UBA5: variants seen among roughly 807,000 people sequenced by gnomAD.
The protein encoded by UBA5 is ubiquitin like modifier activating enzyme 5, also known as ubiquitin-like modifier-activating enzyme 5.
UBA5 carries 28 observed loss-of-function variants against 52.9 expected under a neutral mutation model. The observed-to-expected ratio is 0.53, with a 90% confidence interval of 0.39 to 0.73. UBA5 has a LOEUF of 0.73. Ranked by LOEUF, UBA5 falls within the 30% of genes least tolerant of loss-of-function variation. The pLI is 0.00. For missense variants in UBA5, 388 were observed against 492.7 expected, an observed-to-expected ratio of 0.79 and a Z score of 2.01; for synonymous variants, 135 against 162.1, an observed-to-expected ratio of 0.83 and a Z score of 1.27.
At position 132,676,406 on chromosome 3, in the gene UBA5, G is replaced by C. The variant is rs528420904; in HGVS notation, c.1132-37G>C. 1 of 1,519,948 alleles carries C rather than the reference G, an allele frequency of 6.6e-7. No individual in the cohort carries two copies. The highest frequency in any genetic ancestry group is 1.4e-5 in the African/African-American group (1 of 72,628). The allele number at this position is 1,519,948 out of a possible 1,614,324, so 94.2% of individuals were successfully genotyped here. A position where few individuals can be genotyped will look rare whatever the true frequency, so the allele number is the denominator to read the frequency against. ...TCCTAAGCATCAAGAATTCTATATG[G>C]TTCTTTTTTCACTGTATTTCCCTTA... is the stretch of plus-strand genomic sequence containing the variant. On this transcript the variant is annotated intron_variant, in intron 11 of 11. Coordinates refer to ENST00000356232, the MANE Select transcript of UBA5 (RefSeq NM_024818.6). This position sits in a 1 kb window ranked among gnomAD's most constrained non-coding sequence, Gnocchi z 4.1.
upstream of UBA5, chr3:132,659,675 T>A (rs745309589): frequency 2.5e-6 from 4 of 1,611,616 alleles, no homozygotes; most frequent in East Asian, 6.7e-5. Flanking sequence ...TAGGTAGGCC[T>A]CCAGGGACTT....
intron 3 of UBA5, chr3:132,668,514 T>G: frequency 1.1e-5 from 2 of 174,944 alleles, no homozygotes; most frequent in African/African-American, 2.4e-5. Context: ...CAGCACAGCA[T>G]TGTGGTTGAG....
At chr3:132,658,831 C>T (rs547776376), upstream of UBA5, among the ~76,000 whole-genome samples, 2 of 152,202 alleles carry the variant, frequency 1.3e-5, no homozygotes, top group African/African-American at 4.8e-5. Flanking sequence ...ACCTATATTA[C>T]GGTATTTCAT....
chr3:132,664,811 A>G (rs896093218), intron 1 of UBA5, among the ~76,000 whole-genome samples: 1 of 152,150 alleles, frequency 6.6e-6, no homozygotes, highest in Non-Finnish European at 1.5e-5. Flanking sequence ...TCTAGAGACA[A>G]TCATGTCAGA....
At position 132,667,253 on chromosome 3, in the gene UBA5, A is replaced by C. The variant is rs1559989887; in HGVS notation, c.297+1180A>C. On this transcript the variant is annotated intron_variant, in intron 3 of 11. Transcript: ENST00000356232. ...TTCATTTGCATATTAAAGTTGGAGA[A>C]GTGCTCTTGCATCTCTAACAAGCTT... 3 of 152,242 alleles carry C rather than the reference A, an allele frequency of 2.0e-5. No individual in the cohort carries two copies. The South Asian group carries it at 6.2e-4, about 31-fold the overall frequency. 9.4% of individuals were successfully genotyped at this position (152,242 alleles called of 1,614,324 possible).
chr3:132,673,489 G>A (rs745641724), intron 8 of UBA5, among the ~76,000 whole-genome samples: 5 of 151,482 alleles, frequency 3.3e-5, no homozygotes, highest in Admixed American at 1.3e-4. Flanking sequence ...TTGGAAGTAC[G>A]AGTGTATGCC....
rs780764978 is a variant in UBA5 at position 132,660,504 on chromosome 3, C to G, written c.-34C>G. ...TGGGGCGAAGGCGGCGGCGAAGGCC[C>G]GGGCTGGGAGCGTTGGCGGCCGGAG... On this transcript the variant is annotated 5_prime_UTR_variant, in exon 1 of 12. Coordinates refer to ENST00000356232, the MANE Select transcript of UBA5 (RefSeq NM_024818.6). The surrounding 1 kb of genome is among the most constrained non-coding windows in gnomAD (Gnocchi z 4.1). 7 of 1,545,036 alleles carry G rather than the reference C, an allele frequency of 4.5e-6. No homozygotes were observed. Among genetic ancestry groups the G allele is most frequent in the South Asian group, 3.6e-5 (3 of 83,898 alleles).
upstream of UBA5, chr3:132,660,038 G>A (rs1938056054): frequency 5.0e-6 from 2 of 398,296 alleles, no homozygotes; most frequent in South Asian, 5.4e-5. This position sits in a 1 kb window ranked among gnomAD's most constrained non-coding sequence, Gnocchi z 4.1. Context: ...CAAAGCCATG[G>A]TCATCGTTGC....
At position 132,672,323 on chromosome 3, in the gene UBA5, A is replaced by G. The variant is rs192068137; in HGVS notation, c.812+146A>G. 8.8e-4 allele frequency: 786 copies of G among 892,266 alleles called. 2 individuals are homozygous for G. The highest frequency in any genetic ancestry group is 9.2e-4 in the Non-Finnish European group (567 of 616,876). 55.3% of individuals were successfully genotyped at this position (892,266 alleles called of 1,614,324 possible). A position where few individuals can be genotyped will look rare whatever the true frequency, so the allele number is the denominator to read the frequency against. On this transcript the variant is annotated intron_variant, in intron 8 of 11. Coordinates refer to ENST00000356232, the MANE Select transcript of UBA5 (RefSeq NM_024818.6). ...TTAAATGTAGTTTTAAATGTTTTAT[A>G]TATGTATATGTGCAAATTCTATTTT...
chr3:132,665,630 G>T (rs1258029145), intron 1 of UBA5, 193 bp from the exon 2 acceptor site: 12 of 568,968 alleles, frequency 2.1e-5, no homozygotes, highest in Non-Finnish European at 9.3e-6. Flanking sequence ...GCTACACTTG[G>T]GAGAGTTTTT....
chr3:132,662,111 C>T (rs2107925761), intron 1 of UBA5, among the ~76,000 whole-genome samples: 1 of 152,148 alleles, frequency 6.6e-6, no homozygotes, highest in East Asian at 1.9e-4. Flanking sequence ...TGAGATGATC[C>T]CTTGACATTG....
chr3:132,659,757 C>T (rs752538357), upstream of UBA5: 2 of 1,583,904 alleles, frequency 1.3e-6, no homozygotes, highest in Non-Finnish European at 1.7e-6. Context: ...TTCATGATCA[C>T]CCCCGCAGGC....
At chr3:132,662,508 AT>A (rs1253557304) in intron 1 of UBA5, among the ~76,000 whole-genome samples, 13 of 152,224 alleles carry the variant, frequency 8.5e-5, no homozygotes, top group African/African-American at 3.1e-4. Flanking sequence ...GTACAGTGTT[AT>A]TATTGATAAA....
Position 132,660,746 on chromosome 3 carries a change from C to G in UBA5, c.161+48C>G. The G allele has an allele frequency of 2.0e-6, 3 of 1,487,994 alleles. No homozygotes were observed. The highest frequency in any genetic ancestry group is 2.7e-6 in the Non-Finnish European group (3 of 1,113,192). The allele number at this position is 1,487,994 out of a possible 1,614,324, so 92.2% of individuals were successfully genotyped here. ...GGCAGGCGCGGGGGACGAGGTCAGG[C>G]TCCGTGAGGTCAGAAGTGAGGCGCT... On this transcript the variant is annotated intron_variant, in intron 1 of 11. Transcript: ENST00000356232. This position sits in a 1 kb window ranked among gnomAD's most constrained non-coding sequence, Gnocchi z 4.1.
rs1364748514 is a variant in UBA5 at position 132,672,269 on chromosome 3, G to A, written c.812+92G>A. ...AGCATTTCAGAAACTGAAATTACAA[G>A]CTAAGTATATAATTTAGTTACTTTA... is the stretch of plus-strand genomic sequence containing the variant. On this transcript the variant is annotated intron_variant, in intron 8 of 11. Transcript: ENST00000356232. The A allele has an allele frequency of 5.7e-6, 8 of 1,413,966 alleles. No homozygotes were observed. In the Admixed American group the frequency reaches 1.9e-4, roughly 34 times the overall value. 87.6% of individuals were successfully genotyped at this position (1,413,966 alleles called of 1,614,324 possible). A position where few individuals can be genotyped will look rare whatever the true frequency, so the allele number is the denominator to read the frequency against.
chr3:132,656,356 G>A (rs1020050412), upstream of UBA5, among the ~76,000 whole-genome samples: 5 of 152,144 alleles, frequency 3.3e-5, no homozygotes, highest in African/African-American at 1.2e-4. Flanking sequence ...GAGTAGAACT[G>A]CTAGGTCATA....
intron 4 of UBA5, 57 bp from the exon 5 acceptor site, chr3:132,670,141 C>T (rs1938542276): frequency 1.1e-6 from 1 of 871,484 alleles, no homozygotes; most frequent in South Asian, 1.5e-5. Context: ...CCTCCCACCA[C>T]AGCCTCTTGA....
chr3:132,659,809 T>C, upstream of UBA5: 1 of 1,527,762 alleles, frequency 6.5e-7, no homozygotes, highest in Non-Finnish European at 8.8e-7. Context: ...GCCGAAGTCC[T>C]TCAGGATTGG....
In UBA5 at chr3:132,675,848, G is replaced by A. The variant is rs955210920; in HGVS notation, c.1056G>A (p.Glu352=). The change falls in exon 11 of 12, where the codon GAG becomes GAA. Residue 352 remains glutamate (E), a synonymous_variant. Coordinates refer to ENST00000356232, the MANE Select transcript of UBA5 (RefSeq NM_024818.6). ...GIELVSEVSE[E]ELKNFSGPVP... is the part of the protein sequence containing the mutation. ...AGCTGGTATCTGAGGTTTCAGAAGAGGAACTGAAAAATTTTTCAGGTCCAG... is the reference window on the plus strand; with the variant it reads ...AGCTGGTATCTGAGGTTTCAGAAGAAGAACTGAAAAATTTTTCAGGTCCAG... 2 of 1,611,336 alleles carry A rather than the reference G, an allele frequency of 1.2e-6. No homozygotes were observed. The highest frequency in any genetic ancestry group is 2.7e-5 in the African/African-American group (2 of 74,824).
Sources: allele counts gnomAD v4.1 joint callset (sites outside exome capture counted in the v4.1 genomes callset), GRCh38; gene constraint gnomAD v4.1.1; non-coding constraint Gnocchi (gnomAD v3.1); transcripts MANE v1.5; gene names NCBI Gene and HGNC (gene_info 2026-07-23, HGNC 2026-07-21).